The following GLI3 variants were observed in gnomAD, a reference collection of about 807,000 sequenced individuals.
GLI3 encodes the protein GLI family zinc finger 3.
GLI3 carries 20 observed loss-of-function variants against 100.8 expected under a neutral mutation model. The observed-to-expected ratio is 0.20, with a 90% confidence interval of 0.14 to 0.29. The LOEUF (loss-of-function observed/expected upper bound fraction) is 0.29. Among genes scored for constraint, GLI3 ranks in the 10% least tolerant of loss-of-function variants. The pLI is 1.00. For missense variants in GLI3, 2,040 were observed against 2,128.5 expected (o/e 0.96, Z 0.82); for synonymous variants, 938 against 860.5 (o/e 1.09, Z -1.58).
At chr7:42,015,436 G>T (rs573403809) in intron 10 of GLI3, among the ~76,000 whole-genome samples, 3 of 152,032 alleles carry the variant, frequency 2.0e-5, no homozygotes, top group East Asian at 1.9e-4. Context: ...GTAGTATTTG[G>T]CTAATCCCAG....
chr7:42,023,519 G>A lies in GLI3; in HGVS notation c.1446C>T (p.Cys482=). 4 of 1,613,896 alleles carry A rather than the reference G, an allele frequency of 2.5e-6. No individual in the cohort carries two copies. Among genetic ancestry groups the A allele is most frequent in the Non-Finnish European group, 3.4e-6 (4 of 1,179,942 alleles). ...ACTCCCTCGCGCAGCCTTCCCAGTG[G>A]CAGTTTGTCTCATAGATGACTTCAG... ...QEPEVIYETN[C]HWEGCAREFD... is the part of the protein sequence containing the mutation. Residue 482 remains cysteine (C), a synonymous_variant, in exon 10 of 15, where the codon TGC becomes TGT. Coordinates refer to ENST00000395925, the MANE Select transcript of GLI3 (RefSeq NM_000168.6).
At chr7:42,211,734 C>T (rs1285762362) in intron 2 of GLI3, among the ~76,000 whole-genome samples, 1 of 152,184 alleles carries the variant, frequency 6.6e-6, no homozygotes, top group Non-Finnish European at 1.5e-5. Context: ...ATAACTGCCA[C>T]GCCATGTCCT....
intron 10 of GLI3, among the ~76,000 whole-genome samples, chr7:41,980,385 A>G (rs2128713515): frequency 6.6e-6 from 1 of 152,322 alleles, no homozygotes; most frequent in Middle Eastern, 3.4e-3. Flanking sequence ...TGTAGCCCAT[A>G]CACAAGACCA....
chr7:42,076,088 T>C lies in GLI3; in HGVS notation c.473+664A>G, dbSNP rs865899165. On this transcript the variant is annotated intron_variant, in intron 4 of 14. Coordinates refer to ENST00000395925, the MANE Select transcript of GLI3 (RefSeq NM_000168.6). The stretch of plus-strand genomic sequence containing the variant: ...ATTATTATGGTACATGACAGTTTCC[T>C]GGACAGTACTACAAAAAAATACTGT... Among the ~76,000 whole-genome samples the C allele has an allele frequency of 3.9e-5, 6 of 152,384 alleles. No homozygotes were observed. The South Asian group carries it at 1.2e-3, about 32-fold the overall frequency.
At chr7:41,981,098 G>A (rs1393536182) in intron 10 of GLI3, among the ~76,000 whole-genome samples, 2 of 152,196 alleles carry the variant, frequency 1.3e-5, no homozygotes, top group East Asian at 3.9e-4. Flanking sequence ...TGGGGTAGGA[G>A]AATGGGACAC....
chr7:42,043,852 AAT>A (rs1784191273), intron 6 of GLI3, among the ~76,000 whole-genome samples: 1 of 152,238 alleles, frequency 6.6e-6, no homozygotes, highest in African/African-American at 2.4e-5. Flanking sequence ...GCAGATTTTA[AAT>A]AACTGATTTG....
chr7:41,978,786 C>T (rs746281343), intron 10 of GLI3, 38 bp from the exon 11 acceptor site: 26 of 1,593,506 alleles, frequency 1.6e-5, no homozygotes, highest in South Asian at 6.6e-5. Context: ...CAAATGGAAA[C>T]GTATTCATCA....
intron 2 of GLI3, among the ~76,000 whole-genome samples, chr7:42,156,690 T>C (rs1444668775): frequency 6.6e-6 from 1 of 152,220 alleles, no homozygotes; most frequent in Non-Finnish European, 1.5e-5. Context: ...TCTGGAGATC[T>C]GGCCCAGCCC....
chr7:42,109,137 A>G (rs1785644187), intron 3 of GLI3, among the ~76,000 whole-genome samples: 1 of 152,182 alleles, frequency 6.6e-6, no homozygotes, highest in African/African-American at 2.4e-5. Context: ...CTCTTTAAGT[A>G]CTGGTAGACA....
chr7:42,247,330 G>C (rs1788986260), intron 1 of GLI3, among the ~76,000 whole-genome samples: 1 of 152,138 alleles, frequency 6.6e-6, no homozygotes, highest in Non-Finnish European at 1.5e-5. Context: ...TGGGCCGGAG[G>C]CTGGTTGTGG....
At chr7:42,222,099 A>G (rs1391245178) in intron 2 of GLI3, among the ~76,000 whole-genome samples, 1 of 152,230 alleles carries the variant, frequency 6.6e-6, no homozygotes, top group African/African-American at 2.4e-5. Context: ...AGAAGTGGCC[A>G]GGCTGCTTGG....
At chr7:42,159,276 A>G (rs962145630) in intron 2 of GLI3, among the ~76,000 whole-genome samples, 1 of 152,206 alleles carries the variant, frequency 6.6e-6, no homozygotes, top group Non-Finnish European at 1.5e-5. Context: ...AAAGGGGCAT[A>G]TGTCCAAAAG....
At chr7:42,081,813 GA>G (rs1167740350) in intron 3 of GLI3, among the ~76,000 whole-genome samples, 1 of 152,102 alleles carries the variant, frequency 6.6e-6, no homozygotes, top group Non-Finnish European at 1.5e-5. Flanking sequence ...TTAGTGCCCT[GA>G]AGGAGTAATT....
intron 3 of GLI3, among the ~76,000 whole-genome samples, chr7:42,092,366 G>T (rs948573438): frequency 2.0e-5 from 3 of 152,120 alleles, no homozygotes; most frequent in African/African-American, 7.2e-5. Flanking sequence ...AAACACACAG[G>T]CTGGAGCAGC....
At chr7:42,137,163 C>T (rs893736628) in intron 3 of GLI3, among the ~76,000 whole-genome samples, 7 of 152,186 alleles carry the variant, frequency 4.6e-5, no homozygotes, top group Non-Finnish European at 1.0e-4. Context: ...CATGGCATAA[C>T]ATTGTGGTGC....
intron 4 of GLI3, among the ~76,000 whole-genome samples, chr7:42,068,784 A>G (rs1784726466): frequency 6.6e-6 from 1 of 152,136 alleles, no homozygotes; most frequent in African/African-American, 2.4e-5. Context: ...CTGTTACCTA[A>G]GTGAGGGAGA....
At chr7:42,086,822 C>T (rs1365102647) in intron 3 of GLI3, among the ~76,000 whole-genome samples, 1 of 152,188 alleles carries the variant, frequency 6.6e-6, no homozygotes, top group Non-Finnish European at 1.5e-5. Flanking sequence ...CATGTCCTCC[C>T]CACTGCCTTG....
rs116842918 is a variant in GLI3 at position 42,040,023 on chromosome 7, C to T, written c.1028+15G>A. ...ACATTTAAAAAACACATAATGGATT[C>T]AGGAAAATACATACCTGATTGCACT... On this transcript the variant is annotated intron_variant, in intron 7 of 14. Transcript: ENST00000395925. 3,198 of 1,589,522 alleles carry T rather than the reference C, an allele frequency of 2.0e-3. 31 individuals are homozygous for T. The highest frequency in any genetic ancestry group is 0.019 in the East Asian group (869 of 44,782).
chr7:42,246,815 T>A (rs1377914482), intron 1 of GLI3, among the ~76,000 whole-genome samples: 32 of 52,888 alleles, frequency 6.1e-4, no homozygotes, highest in African/African-American at 1.5e-3. Flanking sequence ...CTTTTTTTTT[T>A]TTTTTTTTTT....
Sources: gnomAD v4.1 joint callset for allele counts (sites outside exome capture counted in the v4.1 genomes callset) on GRCh38, gnomAD v4.1.1 for gene constraint, MANE v1.5 for transcripts, NCBI Gene and HGNC (gene_info 2026-07-23, HGNC 2026-07-21) for gene names.